TMEM114: variants seen among roughly 807,000 people sequenced by gnomAD.
TMEM114 encodes claudin-26.
A neutral mutation model predicts 6.2 loss-of-function variants in TMEM114; 6 were observed. That is an observed-to-expected ratio of 0.97 (90% CI 0.53 to 1.91). The LOEUF is 1.91. TMEM114 is among the 40% of genes most tolerant of loss of function. The pLI, the probability that TMEM114 is intolerant of heterozygous loss-of-function variation, is 0.01. For synonymous variants in TMEM114, 104 were observed against 73.0 expected (o/e 1.42, Z -2.16); for missense variants, 218 against 158.3 (o/e 1.38, Z -2.02).
At chr16:8,551,285 C>G (rs942331547) in intron 2 of TMEM114, among the ~76,000 whole-genome samples, 1 of 152,140 alleles carries the variant, frequency 6.6e-6, no homozygotes, top group Non-Finnish European at 1.5e-5. Context: ...GCAAGCAAGA[C>G]CCTCTGAAAA....
rs180800217 is a variant in TMEM114 at position 8,543,992 on chromosome 16, T to C, written n.213-6166A>G. Among the ~76,000 whole-genome samples, 21 of 152,352 alleles carry C rather than the reference T, an allele frequency of 1.4e-4. No individual in the cohort carries two copies. The East Asian group carries it at 2.5e-3, about 18-fold the overall frequency. ...AACTGGCTTATGTAATCCAATATTT[T>C]CCTTTTTGCCTAGACTGCCAGGAAG... On this transcript the variant is annotated intron_variant and non_coding_transcript_variant, in intron 2 of 2. Coordinates refer to the TMEM114 transcript ENST00000623677.
intron 2 of TMEM114, among the ~76,000 whole-genome samples, chr16:8,544,910 C>G (rs1036868352): frequency 2.0e-5 from 3 of 146,840 alleles, no homozygotes; most frequent in Non-Finnish European, 4.5e-5. Context: ...TACTCTTCTC[C>G]TCAACATCTT....
chr16:8,565,898 A>T (rs918679331), downstream of TMEM114, among the ~76,000 whole-genome samples: 1 of 152,196 alleles, frequency 6.6e-6, no homozygotes, highest in African/African-American at 2.4e-5. Flanking sequence ...GCTAATGTAG[A>T]GCCAGGGTTG....
At chr16:8,585,435 C>T (rs1267011714) in intron 2 of TMEM114, among the ~76,000 whole-genome samples, 3 of 151,988 alleles carry the variant, frequency 2.0e-5, no homozygotes, top group East Asian at 1.9e-4. Context: ...AGGTTTCTTC[C>T]CATACACCCC....
At chr16:8,548,640 T>C (rs1012509605) in intron 2 of TMEM114, among the ~76,000 whole-genome samples, 2 of 149,714 alleles carry the variant, frequency 1.3e-5, no homozygotes, top group African/African-American at 5.0e-5. Flanking sequence ...TGAAATCTTA[T>C]ATGCATTTTT....
Position 8,573,987 on chromosome 16 carries a change from T to C in TMEM114, c.302-1763A>G, listed in dbSNP as rs565346090. Among the ~76,000 whole-genome samples the C allele has an allele frequency of 5.9e-4, 90 of 152,282 alleles. 2 individuals carry two copies. Among genetic ancestry groups the C allele is most frequent in the Non-Finnish European group, 2.6e-4 (18 of 68,030 alleles). On this transcript the variant is annotated intron_variant, in intron 2 of 3. Coordinates refer to ENST00000620492, the MANE Select transcript of TMEM114 (RefSeq NM_001146336.2). Reference sequence around the variant, plus strand: ...GTGCTGAAGAGATATGTGTTGACAATGTAGTGAATGAATGAGTGAGTGAAT... The same window carrying C: ...GTGCTGAAGAGATATGTGTTGACAACGTAGTGAATGAATGAGTGAGTGAAT...
chr16:8,590,393 C>G lies in TMEM114; in HGVS notation c.-555G>C, dbSNP rs1017565564. 6.6e-6 allele frequency among the ~76,000 whole-genome samples: 1 copy of G among 152,194 alleles called. No homozygotes were observed. Among genetic ancestry groups the G allele is most frequent in the Non-Finnish European group, 1.5e-5 (1 of 68,032 alleles). On this transcript the variant is annotated 5_prime_UTR_variant, in exon 1 of 4. Coordinates refer to ENST00000620492, the MANE Select transcript of TMEM114 (RefSeq NM_001146336.2). ...TCCGCCCCAGCCCTTTTTCTTGGCC[C>G]CACACTGCCAGATCCCCACTCCCAG...
downstream of TMEM114, among the ~76,000 whole-genome samples, chr16:8,536,185 A>C (rs1290574043): frequency 1.3e-5 from 2 of 151,212 alleles, no homozygotes; most frequent in Non-Finnish European, 2.9e-5. Flanking sequence ...AGATAGCACC[A>C]CTGCACTCCA....
intron 2 of TMEM114, among the ~76,000 whole-genome samples, chr16:8,587,517 C>G (rs2141703968): frequency 6.6e-6 from 1 of 152,272 alleles, no homozygotes; most frequent in South Asian, 2.1e-4. Flanking sequence ...GTGGAGGGAA[C>G]AGCATGTGCA....
intron 2 of TMEM114, among the ~76,000 whole-genome samples, chr16:8,543,705 C>T (rs190481430): frequency 6.6e-6 from 1 of 152,196 alleles, no homozygotes; most frequent in Non-Finnish European, 1.5e-5. Flanking sequence ...CTGTATCACC[C>T]TATATTGCAT....
intron 2 of TMEM114, among the ~76,000 whole-genome samples, chr16:8,576,696 A>C (rs189975195): frequency 3.3e-5 from 5 of 149,584 alleles, no homozygotes; most frequent in African/African-American, 1.2e-4. Flanking sequence ...TGAGTTAATG[A>C]ATGAGAGCAG....
At chr16:8,556,495 C>CGTTGTT (rs145389529) in intron 2 of TMEM114, among the ~76,000 whole-genome samples, 3 of 151,774 alleles carry the variant, frequency 2.0e-5, no homozygotes, top group East Asian at 3.9e-4. Flanking sequence ...CTTTATTTGT[C>CGTTGTT]GTTGTTGTTG....
intron 2 of TMEM114, among the ~76,000 whole-genome samples, chr16:8,560,981 C>T (rs571986255): frequency 9.2e-5 from 14 of 152,296 alleles, no homozygotes; most frequent in Non-Finnish European, 1.2e-4. Context: ...GCAGGCGAGA[C>T]AGGGAATGAG....
At chr16:8,527,320 G>C in the TMEM114 span, among the ~76,000 whole-genome samples, 1 of 152,190 alleles carries the variant, frequency 6.6e-6, no homozygotes, top group East Asian at 1.9e-4. Context: ...GGAGACAGCA[G>C]GGGAAAGTGG....
At chr16:8,570,111 C>T (rs1901682798) in intron 3 of TMEM114, 106 bp from the exon 4 acceptor site, 9 of 1,409,990 alleles carry the variant, frequency 6.4e-6, no homozygotes, top group African/African-American at 1.4e-5. Flanking sequence ...CCAGCGTCCT[C>T]GCTCCTTCCT....
At chr16:8,567,487 C>T (rs1050619096), downstream of TMEM114, among the ~76,000 whole-genome samples, 1 of 152,156 alleles carries the variant, frequency 6.6e-6, no homozygotes, top group Non-Finnish European at 1.5e-5. Context: ...TTGTTATTGT[C>T]CATTATTGCT....
chr16:8,572,396 G>T, intron 2 of TMEM114, 172 bp from the exon 3 acceptor site: 2 of 728,202 alleles, frequency 2.7e-6, no homozygotes, highest in East Asian at 2.7e-5. Context: ...GACAACAGTG[G>T]TTGAGGCTCA....
At position 8,583,169 on chromosome 16, in the gene TMEM114, A is replaced by G. The variant is rs141190323; in HGVS notation, c.301+6044T>C. Among the ~76,000 whole-genome samples the G allele has an allele frequency of 6.4e-3, 974 of 152,340 alleles. 15 individuals carry two copies. Among genetic ancestry groups the G allele is most frequent in the South Asian group, 0.029 (140 of 4,830 alleles). ...AAGAGCTCAGAATGGTGTCCAGCAC[A>G]CAGCAACTGTCTCATCATGTTCTAC... On this transcript the variant is annotated intron_variant, in intron 2 of 3. Transcript: ENST00000620492.
chr16:8,562,710 G>A (rs976407088), intron 2 of TMEM114, among the ~76,000 whole-genome samples: 6 of 151,622 alleles, frequency 4.0e-5, no homozygotes, highest in Non-Finnish European at 5.9e-5. Flanking sequence ...GTGAGTAAAT[G>A]AGTGAGTGAG....
Sources: allele counts gnomAD v4.1 joint callset (sites outside exome capture counted in the v4.1 genomes callset), GRCh38; gene constraint gnomAD v4.1.1; transcripts MANE v1.5; gene names NCBI Gene and HGNC (gene_info 2026-07-23, HGNC 2026-07-21).